The following CACNA2D3 variants were observed in gnomAD, a reference collection of about 807,000 sequenced individuals.
CACNA2D3 encodes the protein calcium voltage-gated channel auxiliary subunit alpha2delta 3.
A neutral mutation model predicts 160.6 loss-of-function variants in CACNA2D3; 60 were observed. The observed-to-expected ratio is 0.37, with a 90% CI of 0.30 to 0.46. The LOEUF is 0.46. Ranked by LOEUF, CACNA2D3 falls within the 20% of genes least tolerant of loss-of-function variation. The probability of loss-of-function intolerance (pLI) is 1.00; values close to 1 mark genes in which losing one functional copy is unlikely to be tolerated. For missense variants in CACNA2D3, 1,205 were observed against 1,365.0 expected (o/e 0.88, Z 1.85); for synonymous variants, 558 against 492.9 (o/e 1.13, Z -1.75).
intron 11 of CACNA2D3, among the ~76,000 whole-genome samples, chr3:54,708,408 G>T (rs1201728649): frequency 6.6e-6 from 1 of 152,186 alleles, no homozygotes; most frequent in Non-Finnish European, 1.5e-5. Flanking sequence ...ACTCTGTAGA[G>T]CTACCAAAGA....
chr3:54,370,435 A>G (rs1698904827), intron 3 of CACNA2D3, among the ~76,000 whole-genome samples: 1 of 152,238 alleles, frequency 6.6e-6, no homozygotes, highest in Non-Finnish European at 1.5e-5. Context: ...TGCTAAAGAC[A>G]CATAAAAGAT....
intron 4 of CACNA2D3, among the ~76,000 whole-genome samples, chr3:54,391,491 GCTTTCTTTCTTT>G (rs569183232): frequency 2.0e-5 from 3 of 150,022 alleles, no homozygotes; most frequent in East Asian, 2.0e-4. Flanking sequence ...TGGCGGGGTG[GCTTTCTTTCTTT>G]CTTTCTTTCT....
chr3:54,298,864 G>A (rs1182540578), intron 2 of CACNA2D3, among the ~76,000 whole-genome samples: 1 of 140,768 alleles, frequency 7.1e-6, no homozygotes, highest in Non-Finnish European at 1.5e-5. Context: ...AGGATTGCTT[G>A]AATCCAGGAT....
At chr3:54,603,038 CCT>C in intron 9 of CACNA2D3, among the ~76,000 whole-genome samples, 1 of 152,246 alleles carries the variant, frequency 6.6e-6, no homozygotes, top group East Asian at 1.9e-4. Context: ...GTGGGTGGTC[CCT>C]CTCTGTTCGG....
intron 5 of CACNA2D3, among the ~76,000 whole-genome samples, chr3:54,504,790 G>A (rs1701343466): frequency 6.6e-6 from 1 of 152,196 alleles, no homozygotes; most frequent in South Asian, 2.1e-4. Context: ...TCTTAAGCAA[G>A]CAACTTTGCC....
intron 27 of CACNA2D3, among the ~76,000 whole-genome samples, chr3:54,920,389 C>T (rs891747760): frequency 1.3e-5 from 2 of 151,450 alleles, no homozygotes; most frequent in African/African-American, 4.9e-5. Flanking sequence ...TTTGTTGCCA[C>T]TGCTTAAAAC....
intron 2 of CACNA2D3, among the ~76,000 whole-genome samples, chr3:54,274,745 A>T (rs371348848): frequency 1.3e-5 from 2 of 152,136 alleles, no homozygotes; most frequent in Non-Finnish European, 2.9e-5. Flanking sequence ...CTAGGGGGGA[A>T]CTGCATCCAG....
chr3:54,279,227 G>A (rs1176152580), intron 2 of CACNA2D3, among the ~76,000 whole-genome samples: 1 of 152,188 alleles, frequency 6.6e-6, no homozygotes, highest in Non-Finnish European at 1.5e-5. Flanking sequence ...AAGCAGGGGT[G>A]AGGTGCAGAT....
chr3:54,453,899 A>C (rs73844049), intron 4 of CACNA2D3, among the ~76,000 whole-genome samples: 6,305 of 152,254 alleles, frequency 0.041, 459 homozygotes, highest in African/African-American at 0.14. Context: ...TTTATGCATA[A>C]GTCACATATT....
At chr3:54,241,351 A>G (rs745850574) in intron 2 of CACNA2D3, among the ~76,000 whole-genome samples, 2 of 152,192 alleles carry the variant, frequency 1.3e-5, no homozygotes, top group Non-Finnish European at 2.9e-5. Flanking sequence ...ACAGAGCAGT[A>G]GGTTCTATTA....
intron 13 of CACNA2D3, among the ~76,000 whole-genome samples, chr3:54,790,818 G>T (rs1025702332): frequency 2.0e-5 from 3 of 152,132 alleles, no homozygotes; most frequent in Non-Finnish European, 4.4e-5. Context: ...CCATCCAGAA[G>T]GGGCTTTTCT....
chr3:54,783,962 T>C (rs141036037), intron 13 of CACNA2D3, among the ~76,000 whole-genome samples: 2 of 152,334 alleles, frequency 1.3e-5, no homozygotes, highest in African/African-American at 4.8e-5. Context: ...TCACATCCTA[T>C]AATTTATATA....
At chr3:54,492,649 C>T (rs896865429) in intron 4 of CACNA2D3, among the ~76,000 whole-genome samples, 11 of 152,210 alleles carry the variant, frequency 7.2e-5, no homozygotes, top group Admixed American at 2.0e-4. Context: ...CGCACGAGGA[C>T]GTGCTCCATG....
intron 4 of CACNA2D3, among the ~76,000 whole-genome samples, chr3:54,440,593 G>A (rs1350452628): frequency 3.3e-5 from 5 of 151,846 alleles, no homozygotes; most frequent in Admixed American, 1.3e-4. Context: ...CCATTAACTC[G>A]TCATTTAACA....
Position 54,891,531 on chromosome 3 carries a change from A to G in CACNA2D3, c.2246+81A>G, listed in dbSNP as rs893283842. ...AAAGGGAAGCTTATTTCATTTCTTGATTCCACTACTGGTAGAAACATAATT... is the reference window on the plus strand; with the variant it reads ...AAAGGGAAGCTTATTTCATTTCTTGGTTCCACTACTGGTAGAAACATAATT... On this transcript the variant is annotated intron_variant, in intron 25 of 37. Coordinates refer to ENST00000474759, the MANE Select transcript of CACNA2D3 (RefSeq NM_018398.3). The G allele has an allele frequency of 6.8e-5, 74 of 1,087,424 alleles. No homozygotes were observed. The East Asian group carries it at 1.7e-3, about 26-fold the overall frequency. The allele number at this position is 1,087,424 out of a possible 1,614,324, so 67.4% of individuals were successfully genotyped here.
At chr3:54,693,251 C>T (rs1406878192) in intron 11 of CACNA2D3, among the ~76,000 whole-genome samples, 2 of 152,220 alleles carry the variant, frequency 1.3e-5, no homozygotes, top group African/African-American at 4.8e-5. Flanking sequence ...GAAATACAGT[C>T]ATGCTCTGCA....
chr3:54,735,996 TA>T lies in CACNA2D3; in HGVS notation c.1168-16602del, dbSNP rs1559563385. Among the ~76,000 whole-genome samples, 403 of 70,198 alleles carry T rather than the reference TA, an allele frequency of 5.7e-3. 22 individuals carry two copies. The highest frequency in any genetic ancestry group is 7.7e-3 in the Non-Finnish European group (263 of 34,294). The allele number at this position is 70,198 out of a possible 152,430, so 46.1% of individuals were successfully genotyped here. The stretch of plus-strand genomic sequence containing the variant: ...TTCCATGCATGTATATATATATACA[TA>T]TATATATATGTATATATATACACAT... On this transcript the variant is annotated intron_variant, in intron 11 of 37. Transcript: ENST00000474759.
intron 31 of CACNA2D3, among the ~76,000 whole-genome samples, chr3:54,993,293 T>A (rs942454132): frequency 6.6e-6 from 1 of 152,230 alleles, no homozygotes; most frequent in African/African-American, 2.4e-5. Flanking sequence ...GTAGGGCACC[T>A]TGCTCCAGCA....
intron 2 of CACNA2D3, among the ~76,000 whole-genome samples, chr3:54,153,063 A>C (rs1387919794): frequency 1.3e-5 from 2 of 152,192 alleles, no homozygotes; most frequent in African/African-American, 2.4e-5. Context: ...TTTGGAGAAG[A>C]ATGCAAACAG....
Sources: allele counts gnomAD v4.1 joint callset (sites outside exome capture counted in the v4.1 genomes callset), GRCh38; gene constraint gnomAD v4.1.1; transcripts MANE v1.5; gene names NCBI Gene and HGNC (gene_info 2026-07-23, HGNC 2026-07-21).